CADM2: variants seen among roughly 807,000 people sequenced by gnomAD.
The protein encoded by CADM2 is cell adhesion molecule 2.
In CADM2, 12 loss-of-function variants were observed where a neutral mutation model predicts 49.8. The observed-to-expected ratio is 0.24, with a 90% CI of 0.15 to 0.39. CADM2 has a LOEUF of 0.39. Among genes scored for constraint, CADM2 ranks in the 10% least tolerant of loss-of-function variants. The pLI is 1.00. For missense variants in CADM2, 378 were observed against 492.3 expected (o/e 0.77, Z 2.20); for synonymous variants, 214 against 175.4 (o/e 1.22, Z -1.74).
intron 1 of CADM2, among the ~76,000 whole-genome samples, chr3:85,376,315 C>T (rs1481067231): frequency 6.6e-6 from 1 of 152,082 alleles, no homozygotes; most frequent in Admixed American, 6.6e-5. Flanking sequence ...TACAACCTCA[C>T]AGCAGGGACA....
intron 2 of CADM2, among the ~76,000 whole-genome samples, chr3:85,763,337 T>C (rs576489593): frequency 2.0e-4 from 30 of 152,320 alleles, no homozygotes; most frequent in African/African-American, 7.2e-4. Flanking sequence ...CTCCTTTACT[T>C]CTGTAAGACT....
chr3:86,014,110 T>G (rs1047283161), intron 8 of CADM2: 1 of 1,293,008 alleles, frequency 7.7e-7, no homozygotes, highest in Non-Finnish European at 1.1e-6. Context: ...ATCTGCCATT[T>G]TCAGTGGACA....
intron 1 of CADM2, among the ~76,000 whole-genome samples, chr3:85,303,067 CTTA>C (rs1682154546): frequency 1.3e-5 from 2 of 151,824 alleles, no homozygotes; most frequent in African/African-American, 4.8e-5. Context: ...AACACTGTCT[CTTA>C]TTCATTTATG....
chr3:85,761,405 ACT>A lies in CADM2; in HGVS notation c.88+34860_88+34861del, dbSNP rs1189856491. Reference sequence around the variant, plus strand: ...TTTTTTTTTTTGGAGACAGAATCTCACTCTGTCTCCAGGCTGGAGTGCATTCA... The same window carrying A: ...TTTTTTTTTTTGGAGACAGAATCTCACTGTCTCCAGGCTGGAGTGCATTCA... On this transcript the variant is annotated intron_variant, in intron 2 of 9. Transcript: ENST00000383699. Among the ~76,000 whole-genome samples, 3 of 123,304 alleles carry A rather than the reference ACT, an allele frequency of 2.4e-5. No homozygotes were observed. In the East Asian group the frequency reaches 6.7e-4, roughly 27 times the overall value. 80.9% of individuals were successfully genotyped at this position (123,304 alleles called of 152,430 possible). A position where few individuals can be genotyped will look rare whatever the true frequency, so the allele number is the denominator to read the frequency against.
chr3:85,989,801 C>T (rs1728537564), intron 8 of CADM2, among the ~76,000 whole-genome samples: 1 of 151,788 alleles, frequency 6.6e-6, no homozygotes, highest in African/African-American at 2.4e-5. Flanking sequence ...CACCTGAGGT[C>T]AGGAGTTCAA....
At chr3:85,892,526 C>A (rs1186642375) in intron 5 of CADM2, among the ~76,000 whole-genome samples, 7 of 152,020 alleles carry the variant, frequency 4.6e-5, no homozygotes, top group Non-Finnish European at 1.0e-4. Context: ...GTGAATAAGT[C>A]TCATGAGATC....
At chr3:85,274,033 A>G (rs776886247) in intron 1 of CADM2, among the ~76,000 whole-genome samples, 11 of 151,390 alleles carry the variant, frequency 7.3e-5, no homozygotes, top group Non-Finnish European at 1.5e-4. Flanking sequence ...GGAGTGAGAA[A>G]GGTTAACTGG....
intron 1 of CADM2, among the ~76,000 whole-genome samples, chr3:85,490,255 G>T (rs1207331392): frequency 2.0e-5 from 3 of 151,998 alleles, no homozygotes; most frequent in African/African-American, 7.3e-5. Context: ...ACACACCTAA[G>T]GTTATAGACT....
At chr3:86,006,231 T>C (rs1730774790) in intron 8 of CADM2, among the ~76,000 whole-genome samples, 1 of 152,214 alleles carries the variant, frequency 6.6e-6, no homozygotes. Flanking sequence ...ATAAGCAGTA[T>C]TTTTTGGAAA....
intron 1 of CADM2, among the ~76,000 whole-genome samples, chr3:85,065,341 T>A (rs1171693064): frequency 6.6e-6 from 1 of 152,108 alleles, no homozygotes; most frequent in African/African-American, 2.4e-5. Flanking sequence ...GGGTTGCTAT[T>A]CCATTTTCAA....
At chr3:85,500,654 A>G (rs2040077835) in intron 1 of CADM2, among the ~76,000 whole-genome samples, 1 of 151,856 alleles carries the variant, frequency 6.6e-6, no homozygotes, top group African/African-American at 2.4e-5. Flanking sequence ...AGTAGCTAGG[A>G]CTACAGGTGC....
At chr3:85,344,613 C>A (rs7628420) in intron 1 of CADM2, among the ~76,000 whole-genome samples, 1 of 151,302 alleles carries the variant, frequency 6.6e-6, no homozygotes, top group Non-Finnish European at 1.5e-5. Flanking sequence ...AGAGTGAGCA[C>A]GACAATTCAT....
At chr3:85,763,124 A>G (rs537965146) in intron 2 of CADM2, among the ~76,000 whole-genome samples, 2 of 152,188 alleles carry the variant, frequency 1.3e-5, no homozygotes, top group African/African-American at 4.8e-5. Flanking sequence ...CCACTTGAAA[A>G]CTAGCATACA....
At chr3:85,241,507 T>C (rs2042528173) in intron 1 of CADM2, among the ~76,000 whole-genome samples, 1 of 151,494 alleles carries the variant, frequency 6.6e-6, no homozygotes, top group South Asian at 2.1e-4. Context: ...GCTTGTGAGA[T>C]AGATTCTTAG....
At chr3:85,594,886 G>A (rs909773311) in intron 1 of CADM2, among the ~76,000 whole-genome samples, 4 of 151,936 alleles carry the variant, frequency 2.6e-5, no homozygotes, top group African/African-American at 4.8e-5. Flanking sequence ...ACTTGGCACC[G>A]TCAGTTTTAA....
intron 1 of CADM2, among the ~76,000 whole-genome samples, chr3:85,337,958 C>T (rs1239015451): frequency 2.6e-5 from 4 of 151,622 alleles, no homozygotes; most frequent in African/African-American, 9.7e-5. Flanking sequence ...GATACATTTA[C>T]AGTGTTTGAA....
chr3:84,984,866 A>G (rs2032458791), intron 1 of CADM2, among the ~76,000 whole-genome samples: 1 of 152,188 alleles, frequency 6.6e-6, no homozygotes, highest in Non-Finnish European at 1.5e-5. Context: ...TAATGGGTAA[A>G]TGAGTGTACT....
At chr3:85,763,765 A>C (rs1218899231) in intron 2 of CADM2, among the ~76,000 whole-genome samples, 1 of 152,116 alleles carries the variant, frequency 6.6e-6, no homozygotes, top group Non-Finnish European at 1.5e-5. Flanking sequence ...ATAGCTGCAT[A>C]ATCTAGTCAT....
intron 1 of CADM2, among the ~76,000 whole-genome samples, chr3:85,640,775 A>G (rs1467409955): frequency 6.6e-6 from 1 of 152,216 alleles, no homozygotes; most frequent in Non-Finnish European, 1.5e-5. Context: ...AAAAAGTACT[A>G]TTGACAAAAA....
Sources: gnomAD v4.1 joint callset for allele counts (sites outside exome capture counted in the v4.1 genomes callset) on GRCh38, gnomAD v4.1.1 for gene constraint, MANE v1.5 for transcripts, NCBI Gene and HGNC (gene_info 2026-07-23, HGNC 2026-07-21) for gene names.